The following ZBTB44 variants were observed in gnomAD, a reference collection of about 807,000 sequenced individuals.
ZBTB44 encodes the protein zinc finger and BTB domain-containing protein 44.
Under a neutral mutation model 54.0 loss-of-function variants are expected in ZBTB44, and 15 were observed. The observed-to-expected ratio is 0.28, with a 90% CI of 0.19 to 0.43. The LOEUF (loss-of-function observed/expected upper bound fraction) is 0.43. Among genes scored for constraint, ZBTB44 ranks in the 20% least tolerant of loss-of-function variants. The pLI is 1.00. For missense variants in ZBTB44, 487 were observed against 707.1 expected (o/e 0.69, Z 3.53); for synonymous variants, 230 against 250.1 (o/e 0.92, Z 0.76).
intron 7 of ZBTB44, chr11:130,232,633 T>C (rs1024948824): frequency 6.6e-6 from 1 of 152,244 alleles, no homozygotes; most frequent in Non-Finnish European, 1.5e-5. Flanking sequence ...TTAACTGTTT[T>C]TAATAACTTT....
Position 130,230,452 on chromosome 11 carries a change from AAGGGCATGTGTCGTAAC to A in ZBTB44, c.*1295_*1311del, listed in dbSNP as rs557681259. The A allele has an allele frequency of 7.4e-5, 11 of 149,472 alleles. No homozygotes were observed. In the South Asian group the frequency reaches 1.9e-3, roughly 26 times the overall value. 9.3% of individuals were successfully genotyped at this position (149,472 alleles called of 1,614,324 possible). Reference sequence around the variant, plus strand: ...TTTTTTTTGCTAGTTATTAAGAACAAAGGGCATGTGTCGTAACAGGGGATCTAATTACTGTAAGCCAG... The same window carrying A: ...TTTTTTTTGCTAGTTATTAAGAACAAAGGGGATCTAATTACTGTAAGCCAG... On this transcript the variant is annotated 3_prime_UTR_variant, in exon 8 of 8. Coordinates refer to ENST00000357899, the MANE Select transcript of ZBTB44 (RefSeq NM_001301098.2).
chr11:130,262,478 T>G (rs907068494), intron 1 of ZBTB44, among the ~76,000 whole-genome samples: 2 of 152,236 alleles, frequency 1.3e-5, no homozygotes, highest in Middle Eastern at 3.4e-3. Context: ...GCTGCAACAG[T>G]TTGTAAATAA....
At chr11:130,245,890 A>G (rs1288139094) in intron 2 of ZBTB44, among the ~76,000 whole-genome samples, 1 of 152,214 alleles carries the variant, frequency 6.6e-6, no homozygotes, top group Non-Finnish European at 1.5e-5. Flanking sequence ...AAAGAACTAA[A>G]ATGCAGTACA....
intron 1 of ZBTB44, among the ~76,000 whole-genome samples, chr11:130,289,796 A>C (rs912469609): frequency 6.6e-6 from 1 of 152,188 alleles, no homozygotes; most frequent in South Asian, 2.1e-4. Flanking sequence ...TGTTTTAAAT[A>C]AATGTCCGTA....
chr11:130,284,003 A>C (rs553531688), intron 1 of ZBTB44, among the ~76,000 whole-genome samples: 1 of 138,474 alleles, frequency 7.2e-6, no homozygotes. Flanking sequence ...AAAAAAGGCA[A>C]GCAGCTGGGC....
chr11:130,272,264 C>T (rs557502305), intron 1 of ZBTB44, among the ~76,000 whole-genome samples: 1 of 152,220 alleles, frequency 6.6e-6, no homozygotes, highest in South Asian at 2.1e-4. Context: ...ATTCTGATTT[C>T]TCCACATCCT....
At chr11:130,262,983 C>A (rs1222879005) in intron 1 of ZBTB44, among the ~76,000 whole-genome samples, 1 of 152,188 alleles carries the variant, frequency 6.6e-6, no homozygotes, top group South Asian at 2.1e-4. Context: ...ATCACTTGAG[C>A]CTGGGAGGTG....
intron 2 of ZBTB44, among the ~76,000 whole-genome samples, chr11:130,247,424 T>A (rs1937626232): frequency 6.6e-6 from 1 of 152,212 alleles, no homozygotes; most frequent in South Asian, 2.1e-4. Context: ...AATGAAGCCC[T>A]TCACTGTCAG....
chr11:130,302,044 CCT>C (rs1324842875), intron 1 of ZBTB44, among the ~76,000 whole-genome samples: 1 of 146,360 alleles, frequency 6.8e-6, no homozygotes, highest in Non-Finnish European at 1.5e-5. Context: ...AGAGGGAGAC[CCT>C]GTCTCAAAAA....
intron 1 of ZBTB44, chr11:130,285,805 G>A (rs1453859543): frequency 5.4e-6 from 1 of 185,110 alleles, no homozygotes; most frequent in Non-Finnish European, 1.2e-5. Flanking sequence ...ATATCCACAA[G>A]GCACACAACA....
At chr11:130,307,979 G>A (rs577759693) in intron 1 of ZBTB44, among the ~76,000 whole-genome samples, 15 of 152,102 alleles carry the variant, frequency 9.9e-5, no homozygotes, top group East Asian at 7.7e-4. Flanking sequence ...ACCCGCCTCC[G>A]CCTCCCAAAG....
In ZBTB44 at chr11:130,296,472, T is replaced by C. The variant is rs1478322821; in HGVS notation, c.-57+17903A>G. Reference sequence around the variant, plus strand: ...ATTCTTCCAGTTCTGCAACACAGATTTGGGAACACATTGTGTACGGATGTG... The same window carrying C: ...ATTCTTCCAGTTCTGCAACACAGATCTGGGAACACATTGTGTACGGATGTG... On this transcript the variant is annotated intron_variant, in intron 1 of 7. Transcript: ENST00000357899. The C allele has an allele frequency of 5.4e-6, 6 of 1,109,078 alleles. No individual in the cohort carries two copies. The East Asian group carries it at 7.1e-5, about 13-fold the overall frequency. The allele number at this position is 1,109,078 out of a possible 1,614,324, so 68.7% of individuals were successfully genotyped here.
intron 1 of ZBTB44, among the ~76,000 whole-genome samples, chr11:130,278,213 C>T (rs1940246823): frequency 6.6e-6 from 1 of 152,196 alleles, no homozygotes; most frequent in African/African-American, 2.4e-5. Flanking sequence ...AAGATCACAG[C>T]TTAGTCTAGC....
chr11:130,231,349 A>C lies in ZBTB44; in HGVS notation c.*415T>G, dbSNP rs1953868223. 2.6e-5 allele frequency: 4 copies of C among 152,158 alleles called. No individual in the cohort carries two copies. Among genetic ancestry groups the C allele is most frequent in the Admixed American group, 2.6e-4 (4 of 15,278 alleles). 9.4% of individuals were successfully genotyped at this position (152,158 alleles called of 1,614,324 possible). On this transcript the variant is annotated 3_prime_UTR_variant, in exon 8 of 8. Coordinates refer to ENST00000357899, the MANE Select transcript of ZBTB44 (RefSeq NM_001301098.2). ...TTATTTGTATCATTTTATGTTAAAT[A>C]CTGGTTAGTTACTGGTATTGATAAG...
intron 1 of ZBTB44, among the ~76,000 whole-genome samples, chr11:130,303,150 G>C (rs1942076468): frequency 6.6e-6 from 1 of 152,154 alleles, no homozygotes; most frequent in Admixed American, 6.5e-5. Flanking sequence ...GGTTAAGATT[G>C]GAATAAAAGA....
chr11:130,262,197 C>A (rs544220664), intron 1 of ZBTB44, among the ~76,000 whole-genome samples: 1 of 152,068 alleles, frequency 6.6e-6, no homozygotes, highest in Non-Finnish European at 1.5e-5. Context: ...TGGAGTGCAG[C>A]GGGGTGGTCT....
At chr11:130,238,647 T>A (rs1565644493) in intron 3 of ZBTB44, 40 bp from the exon 4 acceptor site, 2 of 1,582,856 alleles carry the variant, frequency 1.3e-6, no homozygotes, top group African/African-American at 2.7e-5. Context: ...AGGCTCTGAT[T>A]TTTAAACTGA....
At position 130,280,627 on chromosome 11, in the gene ZBTB44, T is replaced by C. The variant is rs146641414; in HGVS notation, c.-56-18698A>G. 5.3e-5 allele frequency among the ~76,000 whole-genome samples: 8 copies of C among 152,310 alleles called. No individual in the cohort carries two copies. The East Asian group carries it at 5.8e-4, about 11-fold the overall frequency. ...AACATTCTATGCAGTAACAGAAGAA[T>C]AGTCAGTCTTTCTAATGTATGTTCT... On this transcript the variant is annotated intron_variant, in intron 1 of 7. Transcript: ENST00000357899.
intron 1 of ZBTB44, among the ~76,000 whole-genome samples, chr11:130,300,158 G>T (rs1941913559): frequency 6.6e-6 from 1 of 152,178 alleles, no homozygotes; most frequent in African/African-American, 2.4e-5. Context: ...GGGATGTGGG[G>T]AGACAGAGAT....
Sources: allele counts gnomAD v4.1 joint callset (sites outside exome capture counted in the v4.1 genomes callset), GRCh38; gene constraint gnomAD v4.1.1; transcripts MANE v1.5; gene names NCBI Gene and HGNC (gene_info 2026-07-23, HGNC 2026-07-21).